PCSK2: variants seen among roughly 807,000 people sequenced by gnomAD.
The protein encoded by PCSK2 is neuroendocrine convertase 2.
PCSK2 carries 14 observed loss-of-function variants against 69.7 expected under a neutral mutation model. The observed-to-expected ratio is 0.20, with a 90% CI of 0.13 to 0.31. The LOEUF is 0.31. Among genes scored for constraint, PCSK2 ranks in the 10% least tolerant of loss-of-function variants. The probability of loss-of-function intolerance (pLI) is 1.00; values close to 1 mark genes in which losing one functional copy is unlikely to be tolerated. For missense variants in PCSK2, 544 were observed against 842.5 expected, an observed-to-expected ratio of 0.65 and a Z score of 4.39; for synonymous variants, 307 against 320.7, an observed-to-expected ratio of 0.96 and a Z score of 0.46.
chr20:17,284,184 C>T (rs1988430464), intron 2 of PCSK2, among the ~76,000 whole-genome samples: 1 of 152,172 alleles, frequency 6.6e-6, no homozygotes, highest in Non-Finnish European at 1.5e-5. Flanking sequence ...CACTTGGGAA[C>T]ATTGTTCCCA....
chr20:17,411,109 G>T (rs556517436), intron 6 of PCSK2, among the ~76,000 whole-genome samples: 10 of 152,200 alleles, frequency 6.6e-5, no homozygotes, highest in African/African-American at 2.2e-4. Flanking sequence ...AAACTAAAAG[G>T]TTCCACTCCA....
chr20:17,432,301 A>G (rs931452598), intron 7 of PCSK2, among the ~76,000 whole-genome samples: 5 of 152,028 alleles, frequency 3.3e-5, no homozygotes, highest in African/African-American at 9.7e-5. Context: ...AATCAATGCA[A>G]AGATCTTCTC....
At chr20:17,475,585 T>C (rs2033277079) in intron 11 of PCSK2, among the ~76,000 whole-genome samples, 1 of 152,190 alleles carries the variant, frequency 6.6e-6, no homozygotes, top group Admixed American at 6.5e-5. Flanking sequence ...TCTTAGCCAA[T>C]TGAAGAAATA....
intron 2 of PCSK2, among the ~76,000 whole-genome samples, chr20:17,278,443 C>T (rs1279263118): frequency 1.3e-5 from 2 of 152,070 alleles, no homozygotes; most frequent in Non-Finnish European, 2.9e-5. Context: ...AGCTGGAAAC[C>T]ATCATTCTCA....
intron 11 of PCSK2, chr20:17,479,204 A>T: frequency 2.2e-6 from 3 of 1,372,578 alleles, no homozygotes; most frequent in Non-Finnish European, 3.1e-6. Flanking sequence ...TGCGAAAGCC[A>T]TATGCGCTCT....
chr20:17,272,984 T>C (rs377393422), intron 2 of PCSK2, among the ~76,000 whole-genome samples: 4 of 152,250 alleles, frequency 2.6e-5, no homozygotes, highest in African/African-American at 7.2e-5. Context: ...TGAGGCAATT[T>C]GAATTCTGTT....
intron 6 of PCSK2, among the ~76,000 whole-genome samples, chr20:17,423,164 G>T (rs549007006): frequency 3.8e-4 from 58 of 152,300 alleles, no homozygotes; most frequent in African/African-American, 1.3e-3. Flanking sequence ...GCCCAAGGTG[G>T]TTGAGTCAGA....
intron 2 of PCSK2, among the ~76,000 whole-genome samples, chr20:17,294,439 G>A (rs964447605): frequency 7.9e-5 from 12 of 152,266 alleles, no homozygotes; most frequent in Middle Eastern, 3.4e-3. Flanking sequence ...CGTATTTTAT[G>A]CTTCTCCAGT....
chr20:17,259,631 C>CT (rs1297436844), intron 1 of PCSK2, among the ~76,000 whole-genome samples: 2 of 152,158 alleles, frequency 1.3e-5, no homozygotes, highest in Non-Finnish European at 2.9e-5. Context: ...TGTGACTTCT[C>CT]TGACTGGTTC....
intron 1 of PCSK2, among the ~76,000 whole-genome samples, chr20:17,255,981 G>A (rs1030150057): frequency 6.6e-6 from 1 of 152,084 alleles, no homozygotes; most frequent in African/African-American, 2.4e-5. Context: ...CAATGAATTA[G>A]TTGGGAAGTG....
intron 5 of PCSK2, among the ~76,000 whole-genome samples, chr20:17,390,864 A>G (rs16999070): frequency 0.19 from 29,460 of 152,036 alleles, 3,184 homozygotes; most frequent in Middle Eastern, 0.27. Flanking sequence ...GCAGTTCTGC[A>G]TGGATCTTTC....
At chr20:17,358,291 T>TTATATTCAGGTAA in intron 2 of PCSK2, 36 bp from the exon 3 acceptor site, 1 of 1,148,130 alleles carries the variant, frequency 8.7e-7, no homozygotes, top group Non-Finnish European at 1.3e-6. Context: ...AATGTTCAGA[T>TTATATTCAGGTAA]TATATTCAGG....
chr20:17,258,874 G>A (rs939644807), intron 1 of PCSK2, among the ~76,000 whole-genome samples: 2 of 150,962 alleles, frequency 1.3e-5, no homozygotes, highest in Non-Finnish European at 2.9e-5. Context: ...AAGTAGGTAG[G>A]CCTAGAGGAA....
chr20:17,253,966 A>C lies in PCSK2; in HGVS notation c.178-6274A>C, dbSNP rs116679261. ...TTTTAACTTGCATTCTCTGATGTCT[A>C]ATAATGTTGAACATCTTTCTGTATG... On this transcript the variant is annotated intron_variant, in intron 1 of 11. Coordinates refer to ENST00000262545, the MANE Select transcript of PCSK2 (RefSeq NM_002594.5). Among the ~76,000 whole-genome samples the C allele has an allele frequency of 8.8e-3, 1,334 of 152,320 alleles. 23 individuals are homozygous for C. Among genetic ancestry groups the C allele is most frequent in the African/African-American group, 0.03 (1,239 of 41,578 alleles).
intron 10 of PCSK2, among the ~76,000 whole-genome samples, chr20:17,461,740 T>C (rs2123395227): frequency 6.6e-6 from 1 of 152,324 alleles, no homozygotes; most frequent in East Asian, 1.9e-4. Flanking sequence ...TACTATGCTC[T>C]GAAAGAGAAT....
At chr20:17,285,186 T>C (rs557654894) in intron 2 of PCSK2, among the ~76,000 whole-genome samples, 1 of 152,338 alleles carries the variant, frequency 6.6e-6, no homozygotes, top group African/African-American at 2.4e-5. Flanking sequence ...TCAAGAAGGG[T>C]TGAAGAAAGC....
At chr20:17,313,857 C>G (rs901311922) in intron 2 of PCSK2, among the ~76,000 whole-genome samples, 1 of 152,188 alleles carries the variant, frequency 6.6e-6, no homozygotes, top group African/African-American at 2.4e-5. Context: ...ATTTGAAGAA[C>G]AGTTCCTAAT....
At chr20:17,325,881 T>G (rs188010126) in intron 2 of PCSK2, among the ~76,000 whole-genome samples, 1 of 152,254 alleles carries the variant, frequency 6.6e-6, no homozygotes, top group East Asian at 1.9e-4. Flanking sequence ...AAGCCACCAG[T>G]GGGCTAACCC....
intron 5 of PCSK2, among the ~76,000 whole-genome samples, chr20:17,396,862 G>A (rs1358631623): frequency 6.6e-6 from 1 of 152,120 alleles, no homozygotes. Context: ...TCACCATGGG[G>A]GGCATAGAGA....
Sources: gnomAD v4.1 joint callset for allele counts (sites outside exome capture counted in the v4.1 genomes callset) on GRCh38, gnomAD v4.1.1 for gene constraint, MANE v1.5 for transcripts, NCBI Gene and HGNC (gene_info 2026-07-23, HGNC 2026-07-21) for gene names.